The following DNM1L variants were observed in gnomAD, a reference collection of about 807,000 sequenced individuals.
The protein encoded by DNM1L is dynamin-1-like protein.
Under a neutral mutation model 92.8 loss-of-function variants are expected in DNM1L, and 33 were observed. That is an observed-to-expected ratio of 0.36 (90% CI 0.27 to 0.48). The LOEUF is 0.48. Ranked by LOEUF, DNM1L falls within the 20% of genes least tolerant of loss-of-function variation. The pLI is 0.99. For missense variants in DNM1L, 485 were observed against 888.8 expected, an observed-to-expected ratio of 0.55 and a Z score of 5.78; for synonymous variants, 284 against 305.0, an observed-to-expected ratio of 0.93 and a Z score of 0.72.
chr12:32,704,251 T>TA (rs1952828450), intron 2 of DNM1L, among the ~76,000 whole-genome samples: 1 of 152,132 alleles, frequency 6.6e-6, no homozygotes, highest in African/African-American at 2.4e-5. Flanking sequence ...GTTTTCTTTT[T>TA]AAAAAATGCA....
At chr12:32,739,745 C>T (rs1051276970) in intron 16 of DNM1L, 1 of 306,874 alleles carries the variant, frequency 3.3e-6, no homozygotes, top group South Asian at 4.2e-5. Context: ...TATACTTTTC[C>T]TACAATTTAG....
chr12:32,695,049 G>A (rs1256614673), intron 1 of DNM1L, among the ~76,000 whole-genome samples: 3 of 152,114 alleles, frequency 2.0e-5, no homozygotes, highest in East Asian at 1.9e-4. Context: ...AGAAGGAACC[G>A]AGGATACAAT....
intron 13 of DNM1L, among the ~76,000 whole-genome samples, chr12:32,735,245 C>G (rs1238949505): frequency 6.6e-6 from 1 of 152,020 alleles, no homozygotes; most frequent in African/African-American, 2.4e-5. Context: ...TAATCTTTAC[C>G]ATACCCTGAG....
At chr12:32,723,776 C>CA (rs1377884975) in intron 9 of DNM1L, among the ~76,000 whole-genome samples, 1 of 143,274 alleles carries the variant, frequency 7.0e-6, no homozygotes, top group Non-Finnish European at 1.5e-5. Context: ...GCTACCAAAA[C>CA]AAACAAAAAA....
At chr12:32,696,645 A>T (rs1381679046) in intron 1 of DNM1L, among the ~76,000 whole-genome samples, 1 of 143,126 alleles carries the variant, frequency 7.0e-6, no homozygotes. Flanking sequence ...TTTTTTTTTT[A>T]AAGACAGGTT....
chr12:32,739,163 T>A (rs1003547084), intron 16 of DNM1L, among the ~76,000 whole-genome samples: 3 of 152,138 alleles, frequency 2.0e-5, no homozygotes, highest in African/African-American at 7.2e-5. Flanking sequence ...AAGACAGATT[T>A]TAGCAAATAT....
chr12:32,692,111 A>G (rs1453664557), intron 1 of DNM1L, among the ~76,000 whole-genome samples: 1 of 152,212 alleles, frequency 6.6e-6, no homozygotes, highest in African/African-American at 2.4e-5. Flanking sequence ...CATTCATACT[A>G]TAACCATTTT....
intron 13 of DNM1L, among the ~76,000 whole-genome samples, chr12:32,736,261 A>G (rs1402618819): frequency 7.9e-5 from 12 of 151,806 alleles, no homozygotes; most frequent in Non-Finnish European, 4.4e-5. Flanking sequence ...TAGTAGAGAC[A>G]GGGTTTCACC....
chr12:32,715,956 C>T (rs1953345417), intron 6 of DNM1L, among the ~76,000 whole-genome samples: 1 of 152,172 alleles, frequency 6.6e-6, no homozygotes, highest in Non-Finnish European at 1.5e-5. Context: ...ATGTCTACAG[C>T]AGCTTTATTC....
intron 13 of DNM1L, among the ~76,000 whole-genome samples, chr12:32,735,892 C>T (rs1365583440): frequency 1.3e-5 from 2 of 151,518 alleles, no homozygotes; most frequent in Non-Finnish European, 2.9e-5. Context: ...AAAACAAAAA[C>T]AAAATCATTG....
intron 1 of DNM1L, 67 bp from the exon 2 acceptor site, chr12:32,701,348 A>T: frequency 7.3e-7 from 1 of 1,364,152 alleles, no homozygotes; most frequent in Non-Finnish European, 1.0e-6. Flanking sequence ...TTGTTAATAT[A>T]GTTTATTGAA....
intron 5 of DNM1L, 63 bp downstream of exon 5, chr12:32,711,078 G>A: frequency 1.5e-6 from 2 of 1,361,760 alleles, no homozygotes; most frequent in Non-Finnish European, 2.1e-6. Context: ...TCCCATATGA[G>A]AATAATCAGC....
At position 32,707,368 on chromosome 12, in the gene DNM1L, G is replaced by A. The variant is rs2272238; in HGVS notation, c.252G>A (p.Gly84=). ...DKRKTTGEEN[G]VEAEEWGKFL... is the part of the protein sequence containing the mutation. The stretch of plus-strand genomic sequence containing the variant: ...TAAATGAGTTTTTCTTTTTTCCAGG[G>A]GTGGAAGCAGAAGAATGGGGTAAAT... Residue 84 remains glycine, a splice_region_variant and synonymous_variant, in exon 3 of 20, where the codon GGG becomes GGA. Coordinates refer to ENST00000549701, the MANE Select transcript of DNM1L (RefSeq NM_012062.5). 222,044 of 1,600,610 alleles carry A rather than the reference G, an allele frequency of 0.14. 16,194 individuals are homozygous for A. Among genetic ancestry groups the A allele is most frequent in the African/African-American group, 0.21 (15,426 of 74,358 alleles).
chr12:32,689,673 A>C (rs1339753753), intron 1 of DNM1L, among the ~76,000 whole-genome samples: 1 of 152,080 alleles, frequency 6.6e-6, no homozygotes, highest in Non-Finnish European at 1.5e-5. Flanking sequence ...AAGAATTGAG[A>C]GGTCTGCCTT....
intron 9 of DNM1L, chr12:32,727,363 A>G (rs538252900): frequency 5.1e-6 from 4 of 781,354 alleles, no homozygotes; most frequent in Non-Finnish European, 9.5e-6. Context: ...CAGGTTGTCA[A>G]TGTCTGCCAT....
At chr12:32,742,449 A>G (rs1167514045) in intron 18 of DNM1L, 140 bp from the exon 19 acceptor site, 4 of 1,098,640 alleles carry the variant, frequency 3.6e-6, no homozygotes, top group Non-Finnish European at 5.3e-6. Flanking sequence ...GCAAAAATCT[A>G]AAGGGCGATT....
At chr12:32,679,646 G>A in intron 1 of DNM1L, 181 bp downstream of exon 1, 2 of 1,322,094 alleles carry the variant, frequency 1.5e-6, no homozygotes, top group Non-Finnish European at 1.9e-6. Flanking sequence ...CCCTCCCGGG[G>A]CAGCGTTGCA....
chr12:32,724,592 A>T (rs1592641042), intron 9 of DNM1L, among the ~76,000 whole-genome samples: 2 of 38,666 alleles, frequency 5.2e-5, no homozygotes, highest in Non-Finnish European at 1.4e-4. Context: ...AAAAAAAAAA[A>T]AATATATATA....
At chr12:32,702,949 T>C (rs972597991) in intron 2 of DNM1L, among the ~76,000 whole-genome samples, 4 of 151,554 alleles carry the variant, frequency 2.6e-5, no homozygotes, top group African/African-American at 9.7e-5. Context: ...TTCAAATATA[T>C]AGAATAACAC....
Sources: gnomAD v4.1 joint callset for allele counts (sites outside exome capture counted in the v4.1 genomes callset) on GRCh38, gnomAD v4.1.1 for gene constraint, MANE v1.5 for transcripts, NCBI Gene and HGNC (gene_info 2026-07-23, HGNC 2026-07-21) for gene names.